LATS2: variants seen among roughly 807,000 people sequenced by gnomAD.
The protein encoded by LATS2 is serine/threonine-protein kinase LATS2.
Under a neutral mutation model 76.0 loss-of-function variants are expected in LATS2, and 24 were observed. That is an observed-to-expected ratio of 0.32 (90% CI 0.23 to 0.44). The LOEUF is 0.44. Among genes scored for constraint, LATS2 ranks in the 20% least tolerant of loss-of-function variants. LATS2 has a pLI of 1.00. For missense variants in LATS2, 1,286 were observed against 1,481.2 expected, an observed-to-expected ratio of 0.87 and a Z score of 2.16; for synonymous variants, 692 against 635.4, an observed-to-expected ratio of 1.09 and a Z score of -1.34.
rs1873642591 is a variant in LATS2, at chr13:21,061,371, G to A, written c.-230C>T. 6.6e-6 allele frequency: 1 copy of A among 152,462 alleles called. No homozygotes were observed. Among genetic ancestry groups the A allele is most frequent in the South Asian group, 2.1e-4 (1 of 4,830 alleles). The allele number at this position is 152,462 out of a possible 1,614,324, so 9.4% of individuals were successfully genotyped here. ...CTCCAGGGGCGCGGTCTACACCCTC[G>A]GGGGCGTCCTGGCCGGCGGCTCCCG... On this transcript the variant is annotated 5_prime_UTR_variant, in exon 1 of 8. Coordinates refer to ENST00000382592, the MANE Select transcript of LATS2 (RefSeq NM_014572.3).
intron 2 of LATS2, among the ~76,000 whole-genome samples, chr13:21,008,221 G>A (rs1784562828): frequency 6.6e-6 from 1 of 152,122 alleles, no homozygotes; most frequent in African/African-American, 2.4e-5. Context: ...CTCGGGCACC[G>A]CATCCAGGGG....
intron 2 of LATS2, among the ~76,000 whole-genome samples, chr13:20,997,820 A>G (rs1870826164): frequency 6.6e-6 from 1 of 152,248 alleles, no homozygotes; most frequent in African/African-American, 2.4e-5. Flanking sequence ...TTTCACGTGC[A>G]TTGCCATGTG....
intron 1 of LATS2, among the ~76,000 whole-genome samples, chr13:21,046,485 G>A (rs1482317608): frequency 1.3e-5 from 2 of 152,120 alleles, no homozygotes; most frequent in African/African-American, 2.4e-5. Context: ...TCAACTCAGG[G>A]CAAGAACAGT....
chr13:21,002,202 T>A (rs1255021326), intron 2 of LATS2, among the ~76,000 whole-genome samples: 1 of 151,870 alleles, frequency 6.6e-6, no homozygotes, highest in African/African-American at 2.4e-5. Flanking sequence ...TGTGAGCCAC[T>A]GCGCCCGGCC....
intron 2 of LATS2, among the ~76,000 whole-genome samples, chr13:21,034,240 G>A (rs1479201337): frequency 6.6e-6 from 1 of 152,204 alleles, no homozygotes; most frequent in African/African-American, 2.4e-5. Flanking sequence ...TGCATGGTAT[G>A]CCCTGGTTGA....
Position 20,988,166 on chromosome 13 carries a change from T to A in LATS2, c.1614A>T (p.Ala538=). The change falls in exon 4 of 8, where the codon GCA becomes GCT. Residue 538 remains alanine, a synonymous_variant. Coordinates refer to ENST00000382592, the MANE Select transcript of LATS2 (RefSeq NM_014572.3). ...SEQYDLDSLC[A]GMEQSLRAGP... ...CCGCACGGAGGCTCTGCTCCATGCC[T>A]GCGCACAGGCTGTCCAGGTCGTACT... 6.2e-7 allele frequency: 1 copy of A among 1,613,932 alleles called. No homozygotes were observed.
intron 2 of LATS2, among the ~76,000 whole-genome samples, chr13:21,018,291 C>T (rs1334294384): frequency 3.9e-5 from 6 of 152,132 alleles, no homozygotes; most frequent in Non-Finnish European, 7.3e-5. Context: ...ACAGACCACA[C>T]TACCCTACAC....
intron 2 of LATS2, among the ~76,000 whole-genome samples, chr13:21,037,717 C>T (rs566837140): frequency 6.6e-6 from 1 of 152,072 alleles, no homozygotes; most frequent in African/African-American, 2.4e-5. Flanking sequence ...ATCACAGACC[C>T]AAAGATGAGC....
In LATS2 at chr13:20,975,051, T is replaced by C. The variant is rs756481455; in HGVS notation, c.3086A>G (p.Asn1029Ser). 12 of 1,614,214 alleles carry C rather than the reference T, an allele frequency of 7.4e-6. No individual in the cohort carries two copies. Among genetic ancestry groups the C allele is most frequent in the East Asian group, 4.5e-5 (2 of 44,882 alleles). The change falls in exon 8 of 8, where the codon AAT becomes AGT. Residue 1029 changes from asparagine (N) to serine (S), a missense_variant. By Grantham distance (46) the Asn-to-Ser change is conservative (BLOSUM62 1). Coordinates refer to ENST00000382592, the MANE Select transcript of LATS2 (RefSeq NM_014572.3). ...TKAWDTLTSPNNKHPEHAFYE... is the reference protein window; with the variant it reads ...TKAWDTLTSPSNKHPEHAFYE... ...AAATGCGTGCTCAGGATGCTTGTTATTGGGCGAGGTGAGTGTGTCCCAGGC... is the reference window on the plus strand; with the variant it reads ...AAATGCGTGCTCAGGATGCTTGTTACTGGGCGAGGTGAGTGTGTCCCAGGC...
intron 1 of LATS2, among the ~76,000 whole-genome samples, chr13:21,056,928 G>A (rs1199137901): frequency 6.6e-6 from 1 of 152,216 alleles, no homozygotes; most frequent in African/African-American, 2.4e-5. Context: ...AGGCTCAAAC[G>A]TGGGAGAGAA....
At chr13:20,987,023 G>A (rs151316034) in intron 4 of LATS2, among the ~76,000 whole-genome samples, 42 of 152,162 alleles carry the variant, frequency 2.8e-4, no homozygotes, top group Middle Eastern at 3.4e-3. Flanking sequence ...CGAAACCCCC[G>A]TCTCTACTAA....
intron 2 of LATS2, among the ~76,000 whole-genome samples, chr13:20,993,035 CAAAAAAAAAAAA>C (rs551359225): frequency 2.2e-5 from 2 of 88,974 alleles, no homozygotes; most frequent in Non-Finnish European, 4.1e-5. Context: ...ACTCCATCTC[CAAAAAAAAAAAA>C]AAAAAAAAAA....
At chr13:21,026,898 C>T (rs932087867) in intron 2 of LATS2, among the ~76,000 whole-genome samples, 11 of 152,260 alleles carry the variant, frequency 7.2e-5, no homozygotes, top group African/African-American at 2.6e-4. Flanking sequence ...TATTATCAGA[C>T]CTTTATACTT....
chr13:21,023,678 A>AAC (rs1565957694), intron 2 of LATS2, among the ~76,000 whole-genome samples: 2 of 9,084 alleles, frequency 2.2e-4, no homozygotes, highest in African/African-American at 3.9e-4. Context: ...AAAAAAAAAA[A>AAC]AAAAACAAAC....
intron 2 of LATS2, among the ~76,000 whole-genome samples, chr13:21,044,692 GTGT>G (rs1565964487): frequency 0.016 from 70 of 4,418 alleles, no homozygotes; most frequent in South Asian, 0.029. Flanking sequence ...GTGTAGGGGT[GTGT>G]GTGTGTGTGT....
intron 2 of LATS2, among the ~76,000 whole-genome samples, chr13:21,014,263 C>G (rs1331164745): frequency 6.6e-6 from 1 of 152,112 alleles, no homozygotes. Context: ...TCTTCTTGTT[C>G]TCCCACAGAT....
intron 2 of LATS2, among the ~76,000 whole-genome samples, chr13:21,004,513 T>C (rs1871187093): frequency 6.6e-6 from 1 of 152,110 alleles, no homozygotes; most frequent in Non-Finnish European, 1.5e-5. Context: ...TCCTAGTGTT[T>C]TGTATAGCAT....
At chr13:21,050,978 G>A (rs1041169635) in intron 1 of LATS2, among the ~76,000 whole-genome samples, 8 of 152,374 alleles carry the variant, frequency 5.3e-5, no homozygotes, top group African/African-American at 1.7e-4. Flanking sequence ...AATGGAAGGC[G>A]TGAACGGGAC....
At chr13:21,014,182 G>A (rs1871708859) in intron 2 of LATS2, among the ~76,000 whole-genome samples, 1 of 152,136 alleles carries the variant, frequency 6.6e-6, no homozygotes, top group African/African-American at 2.4e-5. Context: ...CGGGGGCAGG[G>A]GGAAAGGCGC....
Sources: allele counts gnomAD v4.1 joint callset (sites outside exome capture counted in the v4.1 genomes callset), GRCh38; gene constraint gnomAD v4.1.1; transcripts MANE v1.5; gene names NCBI Gene and HGNC (gene_info 2026-07-23, HGNC 2026-07-21).